The following TYW1 variants were observed in gnomAD, a reference collection of about 807,000 sequenced individuals.
The protein encoded by TYW1 is tRNA-yW synthesizing protein 1 homolog.
TYW1 carries 46 observed loss-of-function variants against 96.2 expected under a neutral mutation model. The ratio of observed to expected loss-of-function variants is 0.48; its 90% CI spans 0.38 to 0.61. The LOEUF (loss-of-function observed/expected upper bound fraction) is 0.61. TYW1 is among the 20% of genes least tolerant of loss of function. The pLI is 0.00. For missense variants in TYW1, 684 were observed against 909.6 expected (o/e 0.75, Z 3.19); for synonymous variants, 274 against 323.0 (o/e 0.85, Z 1.63).
chr7:67,186,266 C>CCCCCCG (rs1800015958), intron 14 of TYW1, among the ~76,000 whole-genome samples: 2 of 39,784 alleles, frequency 5.0e-5, no homozygotes, highest in African/African-American at 2.9e-4. Context: ...TTCCTTTCTT[C>CCCCCCG]CCCCCCGCCC....
intron 15 of TYW1, among the ~76,000 whole-genome samples, chr7:67,221,117 T>G (rs1430394727): frequency 6.6e-6 from 1 of 152,252 alleles, no homozygotes; most frequent in Non-Finnish European, 1.5e-5. Flanking sequence ...GTTGTAGAAT[T>G]GTCATTTCTC....
intron 15 of TYW1, among the ~76,000 whole-genome samples, chr7:67,222,194 C>A (rs1411085856): frequency 1.3e-5 from 2 of 151,718 alleles, no homozygotes; most frequent in Non-Finnish European, 2.9e-5. Context: ...GAGACTCCAT[C>A]TCAAAAAAAT....
intron 15 of TYW1, among the ~76,000 whole-genome samples, chr7:67,218,245 A>T (rs561714714): frequency 1.3e-5 from 2 of 152,198 alleles, no homozygotes; most frequent in African/African-American, 4.8e-5. Flanking sequence ...TTTCAGTAAT[A>T]TTTTATACTT....
At chr7:67,068,147 A>C (rs377153750) in intron 10 of TYW1, among the ~76,000 whole-genome samples, 7 of 151,022 alleles carry the variant, frequency 4.6e-5, no homozygotes, top group African/African-American at 1.7e-4. Context: ...TCAGCCTCCC[A>C]AGTAGCTGGG....
chr7:67,072,973 A>G (rs893356325), intron 10 of TYW1, among the ~76,000 whole-genome samples: 3 of 113,144 alleles, frequency 2.7e-5, no homozygotes, highest in African/African-American at 1.2e-4. Flanking sequence ...TTATAGAGAC[A>G]GGGTCTTGCT....
rs766491939 is a variant in TYW1 at position 67,117,642 on chromosome 7, A to C, written c.1698+24A>C. ...AGGTAAGAATTATGACATCTTAAAAATAAATAAACAACCCTCAGGTGTGTA... is the reference window on the plus strand; with the variant it reads ...AGGTAAGAATTATGACATCTTAAAACTAAATAAACAACCCTCAGGTGTGTA... On this transcript the variant is annotated intron_variant, in intron 13 of 15. Coordinates refer to ENST00000359626, the MANE Select transcript of TYW1 (RefSeq NM_018264.4). 6 of 1,594,658 alleles carry C rather than the reference A, an allele frequency of 3.8e-6. No individual in the cohort carries two copies. The African/African-American group carries it at 8.2e-5, about 22-fold the overall frequency.
chr7:67,109,100 T>C (rs922839133), intron 12 of TYW1, among the ~76,000 whole-genome samples: 8 of 151,404 alleles, frequency 5.3e-5, no homozygotes, highest in South Asian at 2.1e-4. Flanking sequence ...GGTGAAACCC[T>C]GTCTCTACTA....
At chr7:67,106,254 C>A (rs914991941) in intron 12 of TYW1, among the ~76,000 whole-genome samples, 4 of 152,210 alleles carry the variant, frequency 2.6e-5, no homozygotes, top group African/African-American at 9.6e-5. Flanking sequence ...ACAAAGAATT[C>A]TTTTCCCTCT....
Position 67,152,438 on chromosome 7 carries a change from TG to T in TYW1, c.1699-30687del, listed in dbSNP as rs745930148. Among the ~76,000 whole-genome samples the T allele has an allele frequency of 2.7e-3, 415 of 151,998 alleles. 4 individuals are homozygous for T. The highest frequency in any genetic ancestry group is 4.2e-3 in the Non-Finnish European group (283 of 68,012). ...GGGTTTTAGAAGATTTTGCTCTCAT[TG>T]TTTTTTTCTTCTTTGCTGGCATCTT... is the stretch of plus-strand genomic sequence containing the variant. On this transcript the variant is annotated intron_variant, in intron 13 of 15. Transcript: ENST00000359626.
intron 14 of TYW1, among the ~76,000 whole-genome samples, chr7:67,186,741 C>T (rs1349275295): frequency 8.5e-5 from 13 of 152,268 alleles, no homozygotes; most frequent in Middle Eastern, 3.4e-3. Context: ...AGTCCTCCTA[C>T]GTTAGCCTCC....
At chr7:67,101,154 T>C (rs577198377) in intron 12 of TYW1, among the ~76,000 whole-genome samples, 1 of 152,306 alleles carries the variant, frequency 6.6e-6, no homozygotes, top group South Asian at 2.1e-4. Flanking sequence ...CCTATCTTAG[T>C]GCACCTGAAC....
At chr7:67,019,445 G>A (rs1794153909) in intron 6 of TYW1, among the ~76,000 whole-genome samples, 1 of 151,696 alleles carries the variant, frequency 6.6e-6, no homozygotes, top group Non-Finnish European at 1.5e-5. Context: ...TGATCTGCCC[G>A]CCTCGGCCTC....
chr7:67,021,111 A>G (rs1049913320), intron 6 of TYW1, among the ~76,000 whole-genome samples: 1 of 152,406 alleles, frequency 6.6e-6, no homozygotes, highest in East Asian at 1.9e-4. Flanking sequence ...TCAGGCCAAC[A>G]TCTTTTCTTC....
At chr7:67,133,465 C>T (rs979359070) in intron 13 of TYW1, among the ~76,000 whole-genome samples, 1 of 151,870 alleles carries the variant, frequency 6.6e-6, no homozygotes, top group Non-Finnish European at 1.5e-5. Flanking sequence ...TTTGGGAGGC[C>T]AAGGCAGGCG....
At chr7:67,153,140 T>C (rs1337702050) in intron 13 of TYW1, among the ~76,000 whole-genome samples, 2 of 152,226 alleles carry the variant, frequency 1.3e-5, no homozygotes, top group Non-Finnish European at 2.9e-5. Context: ...AGGTAATACA[T>C]GCTGAATGCA....
At chr7:67,204,263 G>A (rs28806258) in intron 15 of TYW1, among the ~76,000 whole-genome samples, 38,215 of 151,634 alleles carry the variant, frequency 0.25, 4,993 homozygotes, top group African/African-American at 0.3. Context: ...TTTTGTTATG[G>A]TCCCACAGGT....
intron 14 of TYW1, among the ~76,000 whole-genome samples, chr7:67,188,174 G>T (rs1195812062): frequency 6.6e-6 from 1 of 152,202 alleles, no homozygotes; most frequent in Middle Eastern, 3.4e-3. Flanking sequence ...ACAAAAATTA[G>T]CTGGGCGTGG....
intron 10 of TYW1, among the ~76,000 whole-genome samples, chr7:67,078,190 G>A (rs573241802): frequency 4.4e-4 from 67 of 151,798 alleles, no homozygotes; most frequent in South Asian, 2.1e-3. Flanking sequence ...CCACCTGCCC[G>A]GTTCAAGTGA....
chr7:67,067,092 T>G, intron 9 of TYW1, 193 bp from the exon 10 acceptor site: 2 of 606,668 alleles, frequency 3.3e-6, no homozygotes, highest in South Asian at 4.0e-5. Flanking sequence ...TTTATTTCAC[T>G]GGGCTTTAGT....
Sources: allele counts gnomAD v4.1 joint callset (sites outside exome capture counted in the v4.1 genomes callset), GRCh38; gene constraint gnomAD v4.1.1; transcripts MANE v1.5; gene names NCBI Gene and HGNC (gene_info 2026-07-23, HGNC 2026-07-21).